The following VAV2 variants were observed in gnomAD, a reference collection of about 807,000 sequenced individuals.
VAV2 encodes the protein guanine nucleotide exchange factor VAV2.
VAV2 carries 67 observed loss-of-function variants against 132.5 expected under a neutral mutation model. The observed-to-expected ratio is 0.51, with a 90% CI of 0.42 to 0.62. The LOEUF (loss-of-function observed/expected upper bound fraction) is 0.62, where lower values mean the gene tolerates loss of function less well. VAV2 is among the 20% of genes least tolerant of loss of function. VAV2 has a pLI of 0.00. For synonymous variants in VAV2, 492 were observed against 443.5 expected, an observed-to-expected ratio of 1.11 and a Z score of -1.37; for missense variants, 938 against 1,153.6, an observed-to-expected ratio of 0.81 and a Z score of 2.71.
At chr9:133,793,742 TAAAACCGC>T (rs1834594455) in intron 12 of VAV2, among the ~76,000 whole-genome samples, 2 of 152,118 alleles carry the variant, frequency 1.3e-5, no homozygotes, top group Admixed American at 1.3e-4. Context: ...AGCTTGGACC[TAAAACCGC>T]AATTCCCTTG....
chr9:133,793,190 T>C (rs60068097), intron 12 of VAV2, among the ~76,000 whole-genome samples: 1,595 of 152,104 alleles, frequency 0.01, 34 homozygotes, highest in African/African-American at 0.036. Context: ...AGTGCCCACT[T>C]CAGTCCAGAA....
intron 23 of VAV2, among the ~76,000 whole-genome samples, chr9:133,776,524 C>T (rs1432958042): frequency 6.6e-6 from 1 of 152,160 alleles, no homozygotes; most frequent in Admixed American, 6.5e-5. Context: ...AGCCCCCCAC[C>T]CTGGCCTCAC....
Position 133,991,405 on chromosome 9 carries a change from G to A in VAV2, c.204+670C>T, listed in dbSNP as rs1331377245. Among the ~76,000 whole-genome samples, 1 of 152,248 alleles carries A rather than the reference G, an allele frequency of 6.6e-6. No homozygotes were observed. The highest frequency in any genetic ancestry group is 2.4e-5 in the African/African-American group (1 of 41,470). Reference sequence around the variant, plus strand: ...GCCACACTCAGCGCCCGAAGGAGGGGTGGGGGTGTTGGGAAAGCGATGGGG... The same window carrying A: ...GCCACACTCAGCGCCCGAAGGAGGGATGGGGGTGTTGGGAAAGCGATGGGG... On this transcript the variant is annotated intron_variant, in intron 1 of 29. Transcript: ENST00000371850. This position sits in a 1 kb window ranked among gnomAD's most constrained non-coding sequence, Gnocchi z 4.8.
At chr9:133,889,693 G>A (rs879612967) in intron 2 of VAV2, among the ~76,000 whole-genome samples, 5 of 152,136 alleles carry the variant, frequency 3.3e-5, no homozygotes, top group Admixed American at 3.3e-4. Context: ...GAAATCCCAG[G>A]AAACTCCCCA....
In VAV2 at chr9:133,794,551, G is replaced by C. The variant is rs1834630255; in HGVS notation, c.1101+1117C>G. ...CAGATTACAGCCCCTCCCCCACCCA[G>C]AGGGAGCTCCTTAAATGAGGTACCT... On this transcript the variant is annotated intron_variant, in intron 12 of 29. Transcript: ENST00000371850. This position sits in a 1 kb window ranked among gnomAD's most constrained non-coding sequence, Gnocchi z 4.6. Among the ~76,000 whole-genome samples the C allele has an allele frequency of 6.6e-6, 1 of 152,192 alleles. No homozygotes were observed. The highest frequency in any genetic ancestry group is 6.5e-5 in the Admixed American group (1 of 15,290).
intron 1 of VAV2, among the ~76,000 whole-genome samples, chr9:133,966,384 C>T (rs904665516): frequency 4.6e-5 from 7 of 152,164 alleles, no homozygotes; most frequent in Admixed American, 6.5e-5. Flanking sequence ...ACTATTCATC[C>T]GACAAGGGAT....
At chr9:133,800,866 C>T (rs1029459096) in intron 9 of VAV2, among the ~76,000 whole-genome samples, 9 of 152,242 alleles carry the variant, frequency 5.9e-5, no homozygotes, top group African/African-American at 1.9e-4. Flanking sequence ...AACTTCTACT[C>T]GTCTGTCAAA....
At chr9:133,877,235 G>A (rs1039215931) in intron 2 of VAV2, among the ~76,000 whole-genome samples, 2 of 152,130 alleles carry the variant, frequency 1.3e-5, no homozygotes, top group Non-Finnish European at 1.5e-5. Flanking sequence ...AGTTGCCAGC[G>A]CCTTTCTTCC....
At chr9:133,786,020 G>A in intron 16 of VAV2, 135 bp from the exon 17 acceptor site, 1 of 794,300 alleles carries the variant, frequency 1.3e-6, no homozygotes, top group Non-Finnish European at 2.1e-6. Flanking sequence ...GTGCCTGTGT[G>A]AACACATGTT....
chr9:133,786,776 G>T (rs1279445393), intron 16 of VAV2, among the ~76,000 whole-genome samples: 1 of 152,170 alleles, frequency 6.6e-6, no homozygotes, highest in Non-Finnish European at 1.5e-5. Context: ...TTTCAAAGTG[G>T]TCCAGAAAAA....
In VAV2 at chr9:133,935,270, C is replaced by T. The variant is rs1588139700; in HGVS notation, c.321+3833G>A. Among the ~76,000 whole-genome samples the T allele has an allele frequency of 6.6e-6, 1 of 152,174 alleles. No homozygotes were observed. Among genetic ancestry groups the T allele is most frequent in the Non-Finnish European group, 1.5e-5 (1 of 68,028 alleles). On this transcript the variant is annotated intron_variant, in intron 2 of 29. Transcript: ENST00000371850. The surrounding 1 kb of genome is among the most constrained non-coding windows in gnomAD (Gnocchi z 5.2). ...GATGAATCTGGACGTGTAGGAAACGCTCAGTAAATGCCCCGAAAAAATGAA... is the reference window on the plus strand; with the variant it reads ...GATGAATCTGGACGTGTAGGAAACGTTCAGTAAATGCCCCGAAAAAATGAA...
chr9:133,929,585 G>A (rs571676483), intron 2 of VAV2, among the ~76,000 whole-genome samples: 3 of 152,248 alleles, frequency 2.0e-5, no homozygotes, highest in African/African-American at 7.2e-5. Flanking sequence ...TGGTGAGGGA[G>A]GGGTCTTACT....
In VAV2 at chr9:133,806,134, G is replaced by A. The variant is rs765426332; in HGVS notation, c.783C>T (p.Ser261=). 9.9e-6 allele frequency: 16 copies of A among 1,612,878 alleles called. No homozygotes were observed. The highest frequency in any genetic ancestry group is 2.7e-5 in the African/African-American group (2 of 74,916). The change falls in exon 9 of 30, where the codon TCC becomes TCT. Residue 261 remains serine, a synonymous_variant. Coordinates refer to ENST00000371850, the MANE Select transcript of VAV2 (RefSeq NM_001134398.2). ...HHSFLRAIDV[S]VMVGGSTLAK... ...CCAGCGTGCTGCCCCCCACCATCAC[G>A]GACACGTCGATGGCCCTCAGGAAGC...
At chr9:133,888,227 T>C (rs1020549816) in intron 2 of VAV2, among the ~76,000 whole-genome samples, 1 of 152,074 alleles carries the variant, frequency 6.6e-6, no homozygotes, top group South Asian at 2.1e-4. Flanking sequence ...GAGCGCTGAA[T>C]GGGGGCAGAG....
chr9:133,887,263 G>A (rs745882294), intron 2 of VAV2, among the ~76,000 whole-genome samples: 10 of 152,206 alleles, frequency 6.6e-5, no homozygotes, highest in East Asian at 3.9e-4. Flanking sequence ...CAGGATGGGG[G>A]TGGGGGAAGG....
At chr9:133,813,431 C>T (rs1835435339) in intron 4 of VAV2, among the ~76,000 whole-genome samples, 1 of 152,266 alleles carries the variant, frequency 6.6e-6, no homozygotes. Context: ...TGAATATCAG[C>T]TGTCGCCTTT....
rs182923305 is a variant in VAV2, at chr9:133,905,072, A to G, written c.321+34031T>C. Among the ~76,000 whole-genome samples the G allele has an allele frequency of 2.9e-3, 445 of 152,200 alleles. 1 individual carries two copies. The highest frequency in any genetic ancestry group is 0.011 in the African/African-American group (437 of 41,534). Reference sequence around the variant, plus strand: ...GCTTCTCCCAGGGCGGGGGGCTCTGAGCAGCTGCCCTGTGCAAAGTCACTC... The same window carrying G: ...GCTTCTCCCAGGGCGGGGGGCTCTGGGCAGCTGCCCTGTGCAAAGTCACTC... On this transcript the variant is annotated intron_variant, in intron 2 of 29. Coordinates refer to ENST00000371850, the MANE Select transcript of VAV2 (RefSeq NM_001134398.2).
At chr9:133,801,301 G>A (rs867449443) in intron 9 of VAV2, among the ~76,000 whole-genome samples, 14 of 152,312 alleles carry the variant, frequency 9.2e-5, no homozygotes, top group African/African-American at 2.2e-4. Context: ...CTTCACACCC[G>A]GGCTCACTGC....
chr9:133,900,763 C>CTGA (rs202112614), intron 2 of VAV2, among the ~76,000 whole-genome samples: 10,007 of 136,682 alleles, frequency 0.073, 410 homozygotes, highest in Non-Finnish European at 0.093. Flanking sequence ...TACCTCCTGT[C>CTGA]TTGATTTATT....
Sources: gnomAD v4.1 joint callset for allele counts (sites outside exome capture counted in the v4.1 genomes callset) on GRCh38, gnomAD v4.1.1 for gene constraint, Gnocchi (gnomAD v3.1) non-coding constraint, MANE v1.5 for transcripts, NCBI Gene and HGNC (gene_info 2026-07-23, HGNC 2026-07-21) for gene names.